LINGO2: variants seen among roughly 807,000 people sequenced by gnomAD.
LINGO2 encodes leucine rich repeat and Ig domain containing 2, also known as leucine-rich repeat and immunoglobulin-like domain-containing nogo receptor-interacting protein 2.
LINGO2 carries 14 observed loss-of-function variants against 30.6 expected under a neutral mutation model. That is an observed-to-expected ratio of 0.46 (90% CI 0.30 to 0.72). The LOEUF (loss-of-function observed/expected upper bound fraction) is 0.72. Among genes scored for constraint, LINGO2 ranks in the 30% least tolerant of loss-of-function variants. LINGO2 has a pLI of 0.07. For synonymous variants in LINGO2, 317 were observed against 288.5 expected, an observed-to-expected ratio of 1.10 and a Z score of -1.00; for missense variants, 729 against 751.7, an observed-to-expected ratio of 0.97 and a Z score of 0.35.
At chr9:28,761,733 T>C in the LINGO2 span, among the ~76,000 whole-genome samples, 1 of 151,982 alleles carries the variant, frequency 6.6e-6, no homozygotes, top group Admixed American at 6.6e-5. Context: ...AAGACTTAAT[T>C]CCCATGGCAA....
At chr9:28,597,460 C>G (rs1825241242) in intron 1 of LINGO2, among the ~76,000 whole-genome samples, 1 of 152,138 alleles carries the variant, frequency 6.6e-6, no homozygotes, top group Non-Finnish European at 1.5e-5. Flanking sequence ...CTGCAAAAGT[C>G]AAACCAAGAA....
chr9:28,199,762 G>T (rs1289969411), intron 4 of LINGO2, among the ~76,000 whole-genome samples: 3 of 151,978 alleles, frequency 2.0e-5, no homozygotes, highest in Non-Finnish European at 2.9e-5. Context: ...TTCTGATACT[G>T]ATATTATATC....
chr9:29,108,270 T>G, the LINGO2 span, among the ~76,000 whole-genome samples: 2 of 152,156 alleles, frequency 1.3e-5, no homozygotes, highest in South Asian at 4.1e-4. Flanking sequence ...AAGAAAATGA[T>G]GAATCAAGCA....
the LINGO2 span, among the ~76,000 whole-genome samples, chr9:28,717,704 C>G: frequency 1.3e-5 from 2 of 151,936 alleles, no homozygotes; most frequent in Non-Finnish European, 2.9e-5. Flanking sequence ...TTTCAACATT[C>G]ATCCCTCCTG....
intron 4 of LINGO2, among the ~76,000 whole-genome samples, chr9:28,194,284 C>T (rs1587192001): frequency 6.6e-6 from 1 of 152,028 alleles, no homozygotes; most frequent in Non-Finnish European, 1.5e-5. Flanking sequence ...ATATATGCCA[C>T]AAAATATAAT....
intron 1 of LINGO2, among the ~76,000 whole-genome samples, chr9:28,590,392 T>C (rs556502424): frequency 2.6e-5 from 4 of 152,198 alleles, no homozygotes; most frequent in Admixed American, 2.0e-4. Flanking sequence ...GAGAAAATTT[T>C]TGCAACCTAT....
At chr9:29,095,835 C>T in the LINGO2 span, among the ~76,000 whole-genome samples, 1 of 138,500 alleles carries the variant, frequency 7.2e-6, no homozygotes, top group Non-Finnish European at 1.6e-5. Context: ...AGTAACAAAC[C>T]TTTCTTTGGG....
chr9:28,800,752 T>C, the LINGO2 span, among the ~76,000 whole-genome samples: 99 of 152,174 alleles, frequency 6.5e-4, no homozygotes, highest in Admixed American at 4.2e-3. Context: ...GAAAATAATA[T>C]GCCAGTCTGA....
At chr9:28,960,569 T>G in the LINGO2 span, among the ~76,000 whole-genome samples, 1 of 111,202 alleles carries the variant, frequency 9.0e-6, no homozygotes, top group Non-Finnish European at 2.1e-5. Flanking sequence ...GGAAGTGTCC[T>G]AAAATGTTAT....
At position 28,384,381 on chromosome 9, in the gene LINGO2, A is replaced by G. The variant is rs111680746; in HGVS notation, c.-278-11513T>C. 7.0e-3 allele frequency among the ~76,000 whole-genome samples: 979 copies of G among 140,442 alleles called. 9 individuals are homozygous for G. Among genetic ancestry groups the G allele is most frequent in the African/African-American group, 0.023 (914 of 39,366 alleles). 92.1% of individuals were successfully genotyped at this position (140,442 alleles called of 152,430 possible). A position where few individuals can be genotyped will look rare whatever the true frequency, so the allele number is the denominator to read the frequency against. ...TGTATGTGTGATTTTTTAACTTAAA[A>G]AAGGTAATAATGTTGTATGTAATCA... On this transcript the variant is annotated intron_variant, in intron 2 of 5. Coordinates refer to ENST00000379992, the Ensembl canonical transcript of LINGO2.
chr9:28,455,335 T>C (rs183434552), intron 2 of LINGO2, among the ~76,000 whole-genome samples: 3 of 152,218 alleles, frequency 2.0e-5, no homozygotes, highest in East Asian at 1.9e-4. Flanking sequence ...ACTATTTGTA[T>C]AAGTGAATAT....
chr9:28,154,590 T>A (rs559503262), intron 4 of LINGO2, among the ~76,000 whole-genome samples: 1 of 152,312 alleles, frequency 6.6e-6, no homozygotes, highest in African/African-American at 2.4e-5. Flanking sequence ...TTCCACCTAT[T>A]AAATCTCAGT....
chr9:28,439,084 T>C, intron 2 of LINGO2, among the ~76,000 whole-genome samples: 1 of 147,690 alleles, frequency 6.8e-6, no homozygotes. Flanking sequence ...ATATAGATAA[T>C]AGCTATACAT....
intron 4 of LINGO2, among the ~76,000 whole-genome samples, chr9:28,039,423 C>A (rs1365297149): frequency 4.6e-5 from 7 of 151,954 alleles, no homozygotes; most frequent in African/African-American, 1.7e-4. Flanking sequence ...AGAGGCGCAA[C>A]TAACAGTGGG....
chr9:28,678,914 T>A, the LINGO2 span, among the ~76,000 whole-genome samples: 1 of 152,148 alleles, frequency 6.6e-6, no homozygotes, highest in African/African-American at 2.4e-5. Context: ...AATGTGTGAA[T>A]CTATAAATAC....
chr9:28,946,306 T>C, the LINGO2 span, among the ~76,000 whole-genome samples: 3 of 152,180 alleles, frequency 2.0e-5, no homozygotes, highest in African/African-American at 7.2e-5. Context: ...GAGAGAATTC[T>C]ATTTTAAAAA....
At chr9:28,077,723 C>T (rs901466264) in intron 4 of LINGO2, among the ~76,000 whole-genome samples, 3 of 148,434 alleles carry the variant, frequency 2.0e-5, no homozygotes, top group African/African-American at 7.9e-5. Context: ...CCAAAACCCA[C>T]TCCAATGTTA....
chr9:28,850,836 A>T, the LINGO2 span, among the ~76,000 whole-genome samples: 7 of 151,998 alleles, frequency 4.6e-5, no homozygotes, highest in African/African-American at 1.7e-4. Flanking sequence ...AGAAGAGAGG[A>T]ACACTGATCA....
chr9:28,153,297 T>C (rs1828048120), intron 4 of LINGO2, among the ~76,000 whole-genome samples: 1 of 152,202 alleles, frequency 6.6e-6, no homozygotes, highest in Non-Finnish European at 1.5e-5. Flanking sequence ...TTGTGAAGTA[T>C]TGGAAATTGC....
Sources: gnomAD v4.1 joint callset for allele counts (sites outside exome capture counted in the v4.1 genomes callset) on GRCh38, gnomAD v4.1.1 for gene constraint, MANE v1.5 for transcripts, NCBI Gene and HGNC (gene_info 2026-07-23, HGNC 2026-07-21) for gene names.